KCNQ5: variants seen among roughly 807,000 people sequenced by gnomAD.
KCNQ5 encodes the protein potassium voltage-gated channel subfamily KQT member 5.
KCNQ5 carries 30 observed loss-of-function variants against 98.2 expected under a neutral mutation model. That is an observed-to-expected ratio of 0.31 (90% CI 0.23 to 0.41). KCNQ5 has a LOEUF of 0.41. Ranked by LOEUF, KCNQ5 falls within the 10% of genes least tolerant of loss-of-function variation. The pLI is 1.00. For missense variants in KCNQ5, 835 were observed against 1,182.5 expected (o/e 0.71, Z 4.31); for synonymous variants, 458 against 449.4 (o/e 1.02, Z -0.24).
At chr6:72,668,423 G>C (rs1173937214) in intron 1 of KCNQ5, among the ~76,000 whole-genome samples, 1 of 152,016 alleles carries the variant, frequency 6.6e-6, no homozygotes, top group African/African-American at 2.4e-5. Context: ...CTATATGAGA[G>C]TTGGCACAAA....
chr6:72,787,228 G>C (rs999797368), intron 1 of KCNQ5, among the ~76,000 whole-genome samples: 33 of 151,998 alleles, frequency 2.2e-4, no homozygotes, highest in African/African-American at 7.5e-4. Context: ...ATTTTTTGAT[G>C]AAAATTGTAC....
chr6:73,082,679 T>G (rs142601729), intron 5 of KCNQ5, among the ~76,000 whole-genome samples: 5 of 152,326 alleles, frequency 3.3e-5, no homozygotes, highest in African/African-American at 1.2e-4. Context: ...ACTTGCCCAC[T>G]TATGTAAATA....
intron 3 of KCNQ5, among the ~76,000 whole-genome samples, chr6:73,044,880 A>G (rs535192925): frequency 1.3e-5 from 2 of 152,358 alleles, no homozygotes; most frequent in African/African-American, 2.4e-5. Flanking sequence ...CATTCCAAGT[A>G]CACACCCAAA....
intron 1 of KCNQ5, among the ~76,000 whole-genome samples, chr6:72,693,472 TAACAA>T (rs1768316233): frequency 6.6e-6 from 1 of 152,082 alleles, no homozygotes; most frequent in Non-Finnish European, 1.5e-5. Flanking sequence ...AAACAAAACA[TAACAA>T]AGCTGTTAGT....
chr6:72,754,896 G>T (rs1016608630), intron 1 of KCNQ5, among the ~76,000 whole-genome samples: 3 of 151,968 alleles, frequency 2.0e-5, no homozygotes. Context: ...TGGAAGAAAA[G>T]TGTTGAAATG....
intron 11 of KCNQ5, among the ~76,000 whole-genome samples, chr6:73,184,838 G>T (rs958552464): frequency 6.6e-6 from 1 of 152,188 alleles, no homozygotes; most frequent in Non-Finnish European, 1.5e-5. Flanking sequence ...ATCCAGATGG[G>T]CTGGAGAGCA....
chr6:72,862,846 T>C (rs189346515), intron 1 of KCNQ5, among the ~76,000 whole-genome samples: 1 of 152,274 alleles, frequency 6.6e-6, no homozygotes, highest in East Asian at 1.9e-4. Flanking sequence ...CAGATTCATC[T>C]TGAACTCCTG....
intron 5 of KCNQ5, among the ~76,000 whole-genome samples, chr6:73,091,332 G>A (rs1252841941): frequency 6.6e-6 from 1 of 152,068 alleles, no homozygotes; most frequent in East Asian, 1.9e-4. Context: ...GGGGTTAGGG[G>A]GCTGGGGGAG....
At chr6:72,695,829 G>C (rs2154474406) in intron 1 of KCNQ5, among the ~76,000 whole-genome samples, 1 of 152,312 alleles carries the variant, frequency 6.6e-6, no homozygotes, top group South Asian at 2.1e-4. Context: ...AGGAAGCTAA[G>C]ATGGGAGGAT....
intron 5 of KCNQ5, among the ~76,000 whole-genome samples, chr6:73,092,672 G>A (rs1476968583): frequency 6.6e-6 from 1 of 152,156 alleles, no homozygotes; most frequent in Non-Finnish European, 1.5e-5. Context: ...AGATGATCAT[G>A]TGATTTTGGT....
chr6:73,055,633 G>A (rs1772450759), intron 3 of KCNQ5: 3 of 1,190,812 alleles, frequency 2.5e-6, no homozygotes, highest in Non-Finnish European at 3.8e-6. Flanking sequence ...AATGGGTACT[G>A]ACTGCAGCCC....
At chr6:73,043,762 A>C (rs1771827826) in intron 3 of KCNQ5, among the ~76,000 whole-genome samples, 1 of 152,202 alleles carries the variant, frequency 6.6e-6, no homozygotes, top group African/African-American at 2.4e-5. Flanking sequence ...TTTCAGAAGC[A>C]ATGCCAATGT....
chr6:72,887,258 AAGG>A (rs1167052121), intron 1 of KCNQ5, among the ~76,000 whole-genome samples: 11 of 152,168 alleles, frequency 7.2e-5, no homozygotes, highest in Non-Finnish European at 1.2e-4. Flanking sequence ...GGTGAATGGC[AAGG>A]AGAAGCAAGT....
At chr6:72,931,704 G>A (rs562327521) in intron 1 of KCNQ5, among the ~76,000 whole-genome samples, 13 of 152,230 alleles carry the variant, frequency 8.5e-5, no homozygotes, top group African/African-American at 2.6e-4. Flanking sequence ...TAAAACAAAA[G>A]CCTTCTTGTA....
intron 1 of KCNQ5, among the ~76,000 whole-genome samples, chr6:72,644,138 T>TA (rs1765468880): frequency 6.6e-6 from 1 of 152,198 alleles, no homozygotes; most frequent in African/African-American, 2.4e-5. Flanking sequence ...TCACTGCAAA[T>TA]ACTGAATTAG....
At chr6:72,939,302 A>G (rs544149712) in intron 1 of KCNQ5, among the ~76,000 whole-genome samples, 6 of 152,130 alleles carry the variant, frequency 3.9e-5, no homozygotes, top group African/African-American at 1.4e-4. Flanking sequence ...GAGACTGCCA[A>G]CCCACCACAG....
chr6:72,997,740 G>A (rs947992522), intron 1 of KCNQ5, among the ~76,000 whole-genome samples: 2 of 130,324 alleles, frequency 1.5e-5, no homozygotes, highest in Non-Finnish European at 3.1e-5. Flanking sequence ...CCGAGATTGC[G>A]TCACTGCACT....
At chr6:73,112,815 A>G (rs1211041817) in intron 7 of KCNQ5, among the ~76,000 whole-genome samples, 1 of 151,884 alleles carries the variant, frequency 6.6e-6, no homozygotes, top group Non-Finnish European at 1.5e-5. Flanking sequence ...TATATCATGA[A>G]GGAGATCTGT....
chr6:73,156,471 T>TA (rs575927849), intron 10 of KCNQ5, among the ~76,000 whole-genome samples: 17 of 152,152 alleles, frequency 1.1e-4, no homozygotes, highest in African/African-American at 4.1e-4. Flanking sequence ...CCATCTCTAC[T>TA]AAAAATAGCC....
Sources: gnomAD v4.1 joint callset for allele counts (sites outside exome capture counted in the v4.1 genomes callset) on GRCh38, gnomAD v4.1.1 for gene constraint, MANE v1.5 for transcripts, NCBI Gene and HGNC (gene_info 2026-07-23, HGNC 2026-07-21) for gene names.